Variants in TMOD3 observed in about 807,000 individuals in gnomAD.
TMOD3 encodes tropomodulin 3, also known as tropomodulin-3.
A neutral mutation model predicts 39.2 loss-of-function variants in TMOD3; 20 were observed. That is an observed-to-expected ratio of 0.51 (90% CI 0.36 to 0.74). The LOEUF is 0.74. TMOD3 is among the 30% of genes least tolerant of loss of function. TMOD3 has a pLI of 0.00. For synonymous variants in TMOD3, 143 were observed against 145.8 expected, an observed-to-expected ratio of 0.98 and a Z score of 0.14; for missense variants, 381 against 412.8, an observed-to-expected ratio of 0.92 and a Z score of 0.67.
At chr15:51,906,277 T>G (rs2056680360) in intron 9 of TMOD3, among the ~76,000 whole-genome samples, 1 of 152,248 alleles carries the variant, frequency 6.6e-6, no homozygotes, top group African/African-American at 2.4e-5. Flanking sequence ...GCCTGATATG[T>G]ACTAACTCAA....
chr15:51,859,472 G>C, intron 1 of TMOD3: 2 of 655,510 alleles, frequency 3.1e-6, no homozygotes, highest in Admixed American at 1.8e-5. Context: ...ATGGATGGCT[G>C]TTCTGTAAAC....
intron 2 of TMOD3, among the ~76,000 whole-genome samples, chr15:51,868,699 C>T (rs1219998281): frequency 3.9e-5 from 6 of 152,142 alleles, no homozygotes; most frequent in Non-Finnish European, 5.9e-5. Context: ...ATGCTGGGCG[C>T]GGTGGCTCAC....
At chr15:51,869,460 G>A (rs2056464257) in intron 3 of TMOD3, 87 bp downstream of exon 3, 34 of 1,296,194 alleles carry the variant, frequency 2.6e-5, no homozygotes, top group Non-Finnish European at 3.7e-5. Context: ...TATTTTTAGA[G>A]GTACATCATT....
At chr15:51,877,408 G>A (rs927914421) in intron 3 of TMOD3, among the ~76,000 whole-genome samples, 4 of 152,094 alleles carry the variant, frequency 2.6e-5, no homozygotes, top group South Asian at 2.1e-4. Flanking sequence ...GGCCAGGCAC[G>A]GTGGCTCACG....
chr15:51,872,563 A>G (rs1400021412), intron 3 of TMOD3, among the ~76,000 whole-genome samples: 1 of 150,232 alleles, frequency 6.7e-6, no homozygotes, highest in Non-Finnish European at 1.5e-5. Flanking sequence ...GGCATCTGGC[A>G]TGCCTATGTC....
chr15:51,893,812 C>A lies in TMOD3; in HGVS notation c.497-3C>A. 2 of 1,586,758 alleles carry A rather than the reference C, an allele frequency of 1.3e-6. No individual in the cohort carries two copies. The highest frequency in any genetic ancestry group is 2.3e-5 in the South Asian group (2 of 86,754). On this transcript the variant is annotated splice_polypyrimidine_tract_variant and splice_region_variant and intron_variant, in intron 5 of 9. Transcript: ENST00000308580. The stretch of plus-strand genomic sequence containing the variant: ...ATCCTGCTCTTTTCATTTATCACTG[C>A]AGATGTGGTCAAAGGTGAAAAGATT...
chr15:51,841,291 A>G (rs1021810064), intron 1 of TMOD3, among the ~76,000 whole-genome samples: 1 of 152,222 alleles, frequency 6.6e-6, no homozygotes, highest in Non-Finnish European at 1.5e-5. Flanking sequence ...ATGTTTTCCT[A>G]TGATGTAATT....
intron 3 of TMOD3, among the ~76,000 whole-genome samples, chr15:51,876,489 T>G (rs146693534): frequency 0.029 from 4,113 of 139,806 alleles, 115 homozygotes; most frequent in South Asian, 0.14. Flanking sequence ...TGAGATGGAG[T>G]CTCGCTCTGT....
intron 5 of TMOD3, among the ~76,000 whole-genome samples, chr15:51,890,841 G>T (rs971418873): frequency 4.6e-5 from 7 of 152,116 alleles, no homozygotes; most frequent in African/African-American, 1.7e-4. Flanking sequence ...ACACATAGAA[G>T]AAGAGAGAAT....
chr15:51,838,660 G>A (rs2056298364), intron 1 of TMOD3, among the ~76,000 whole-genome samples: 1 of 152,066 alleles, frequency 6.6e-6, no homozygotes, highest in South Asian at 2.1e-4. Context: ...TATCTTGATT[G>A]CTGAGCTTTT....
intron 1 of TMOD3, among the ~76,000 whole-genome samples, chr15:51,846,815 T>C (rs951395692): frequency 6.6e-6 from 1 of 152,190 alleles, no homozygotes; most frequent in Non-Finnish European, 1.5e-5. Flanking sequence ...TTTAAAGATA[T>C]TTTGAGTTTG....
chr15:51,890,783 A>G (rs1026032839), intron 5 of TMOD3, among the ~76,000 whole-genome samples: 2 of 152,124 alleles, frequency 1.3e-5, no homozygotes, highest in Non-Finnish European at 2.9e-5. Flanking sequence ...TTGTAATTTG[A>G]CCATCCCCCT....
At chr15:51,896,826 T>A (rs1353220215) in intron 7 of TMOD3, among the ~76,000 whole-genome samples, 1 of 152,252 alleles carries the variant, frequency 6.6e-6, no homozygotes, top group Non-Finnish European at 1.5e-5. Context: ...AAAGTTTTGT[T>A]GTATCAATAC....
chr15:51,890,111 C>T (rs552372684), intron 5 of TMOD3, among the ~76,000 whole-genome samples: 2 of 151,370 alleles, frequency 1.3e-5, no homozygotes, highest in East Asian at 1.9e-4. Flanking sequence ...TACAAAAAAT[C>T]GATTATACTG....
rs367841914 is a variant in TMOD3 at position 51,896,552 on chromosome 15, A to G, written c.735+26A>G. The G allele has an allele frequency of 4.6e-6, 7 of 1,532,178 alleles. No homozygotes were observed. In the African/African-American group the frequency reaches 6.8e-5, roughly 15 times the overall value. The allele number at this position is 1,532,178 out of a possible 1,614,324, so 94.9% of individuals were successfully genotyped here. A position where few individuals can be genotyped will look rare whatever the true frequency, so the allele number is the denominator to read the frequency against. On this transcript the variant is annotated intron_variant, in intron 7 of 9. Coordinates refer to ENST00000308580, the MANE Select transcript of TMOD3 (RefSeq NM_014547.5). ...GTAAGTAAGCGACTTGAGAATATCA[A>G]AATTATGACATGCCCAGGGTGTGTT...
At position 51,912,168 on chromosome 15, in the gene TMOD3, C is replaced by G. The variant is rs1271659451; in HGVS notation, c.*3358C>G. On this transcript the variant is annotated 3_prime_UTR_variant, in exon 10 of 10. Coordinates refer to ENST00000308580, the MANE Select transcript of TMOD3 (RefSeq NM_014547.5). ...TTGGGCCGGGTGCGGTGGCTCACGC[C>G]TGTAATCCTAGCACTTTGGGAGGCC... is the stretch of plus-strand genomic sequence containing the variant. The G allele has an allele frequency of 2.6e-5, 4 of 152,182 alleles. No individual in the cohort carries two copies. The highest frequency in any genetic ancestry group is 5.9e-5 in the Non-Finnish European group (4 of 68,038). The allele number at this position is 152,182 out of a possible 1,614,324, so 9.4% of individuals were successfully genotyped here. A position where few individuals can be genotyped will look rare whatever the true frequency, so the allele number is the denominator to read the frequency against.
At chr15:51,878,376 A>ATATGTGTGTGTG (rs112690572) in intron 3 of TMOD3, among the ~76,000 whole-genome samples, 1 of 147,318 alleles carries the variant, frequency 6.8e-6, no homozygotes, top group Admixed American at 6.9e-5. Flanking sequence ...TTTAAAATAT[A>ATATGTGTGTGTG]TGTGTGTGTG....
chr15:51,855,970 T>C (rs953037191), intron 1 of TMOD3, among the ~76,000 whole-genome samples: 5 of 152,126 alleles, frequency 3.3e-5, no homozygotes, highest in Non-Finnish European at 5.9e-5. Context: ...GAAAGAATGC[T>C]AGTAGTGGCC....
At chr15:51,896,921 C>T (rs1595910593) in intron 7 of TMOD3, among the ~76,000 whole-genome samples, 1 of 152,194 alleles carries the variant, frequency 6.6e-6, no homozygotes, top group Non-Finnish European at 1.5e-5. Context: ...AATGCTTTTG[C>T]TGTGTCTCTT....
Sources: gnomAD v4.1 joint callset for allele counts (sites outside exome capture counted in the v4.1 genomes callset) on GRCh38, gnomAD v4.1.1 for gene constraint, MANE v1.5 for transcripts, NCBI Gene and HGNC (gene_info 2026-07-23, HGNC 2026-07-21) for gene names.